Variants in SPMIP7 observed in about 807,000 individuals in gnomAD.
SPMIP7 encodes sperm microtubule inner protein 7.
At chr7:50,156,072 G>C in the SPMIP7 span, among the ~76,000 whole-genome samples, 1 of 152,110 alleles carries the variant, frequency 6.6e-6, no homozygotes, top group African/African-American at 2.4e-5. Flanking sequence ...TGGTGTTCTG[G>C]CATGAAAAAG....
the SPMIP7 span, among the ~76,000 whole-genome samples, chr7:50,119,356 A>G: frequency 6.6e-6 from 1 of 152,176 alleles, no homozygotes; most frequent in Admixed American, 6.6e-5. Context: ...AACGCCATAG[A>G]TCAAGACTTT....
At chr7:50,137,917 A>G in the SPMIP7 span, among the ~76,000 whole-genome samples, 2 of 152,134 alleles carry the variant, frequency 1.3e-5, no homozygotes, top group African/African-American at 4.8e-5. Context: ...TGGTAATATG[A>G]ATCAAAGTAT....
the SPMIP7 span, chr7:50,104,440 T>G: frequency 9.5e-7 from 1 of 1,058,172 alleles, no homozygotes; most frequent in Non-Finnish European, 1.3e-6. Context: ...TGGTGTTATA[T>G]ATAATTAGTT....
chr7:50,143,221 G>C, the SPMIP7 span, among the ~76,000 whole-genome samples: 2 of 147,152 alleles, frequency 1.4e-5, no homozygotes, highest in African/African-American at 2.5e-5. Context: ...CTGAAGTGCA[G>C]TGGCGTGATC....
At chr7:50,156,434 C>A in the SPMIP7 span, among the ~76,000 whole-genome samples, 1 of 152,028 alleles carries the variant, frequency 6.6e-6, no homozygotes, top group African/African-American at 2.4e-5. Flanking sequence ...TTAGCCGCTA[C>A]TGTACTCTCA....
At chr7:50,151,822 G>A in the SPMIP7 span, among the ~76,000 whole-genome samples, 1 of 152,150 alleles carries the variant, frequency 6.6e-6, no homozygotes. Flanking sequence ...TATTACGAAT[G>A]TGGCCAAAAG....
the SPMIP7 span, among the ~76,000 whole-genome samples, chr7:50,124,949 A>C: frequency 6.6e-6 from 1 of 151,588 alleles, no homozygotes; most frequent in South Asian, 2.1e-4. Flanking sequence ...AAACACAAAA[A>C]TTAGCCCTGC....
the SPMIP7 span, among the ~76,000 whole-genome samples, chr7:50,145,618 G>GTATATATATATATATA: frequency 2.9e-4 from 8 of 27,686 alleles, no homozygotes; most frequent in African/African-American, 7.5e-4. Context: ...ATATGTGTGT[G>GTATATATATATATATA]TATATATATA....
chr7:50,148,380 G>A, the SPMIP7 span, among the ~76,000 whole-genome samples: 189 of 152,318 alleles, frequency 1.2e-3, no homozygotes, highest in African/African-American at 4.4e-3. Context: ...AGGCACAGAG[G>A]CTGTGCAATG....
chr7:50,126,168 G>A, the SPMIP7 span, among the ~76,000 whole-genome samples: 1 of 151,892 alleles, frequency 6.6e-6, no homozygotes, highest in African/African-American at 2.4e-5. Context: ...ATTAATGAAA[G>A]TGATAGACCT....
chr7:50,121,268 A>G, the SPMIP7 span: 1 of 152,224 alleles, frequency 6.6e-6, no homozygotes, highest in Non-Finnish European at 1.5e-5. Context: ...AAAGAGAATA[A>G]TTGTTAAATT....
chr7:50,140,521 T>C, the SPMIP7 span, among the ~76,000 whole-genome samples: 19 of 152,244 alleles, frequency 1.2e-4, no homozygotes, highest in Non-Finnish European at 2.2e-4. Context: ...AAAACTGTTA[T>C]AATTGCAGAA....
the SPMIP7 span, among the ~76,000 whole-genome samples, chr7:50,137,360 T>C: frequency 2.6e-5 from 4 of 152,172 alleles, no homozygotes; most frequent in African/African-American, 9.6e-5. Flanking sequence ...GACATCTGTG[T>C]TTCTAGGAGT....
At chr7:50,104,213 A>C in the SPMIP7 span, 2 of 445,218 alleles carry the variant, frequency 4.5e-6, no homozygotes, top group African/African-American at 4.1e-5. Context: ...AAAATGAATT[A>C]CGATCACACA....
chr7:50,101,436 A>G, the SPMIP7 span, among the ~76,000 whole-genome samples: 1 of 152,202 alleles, frequency 6.6e-6, no homozygotes, highest in Admixed American at 6.5e-5. Flanking sequence ...AACTGACACC[A>G]TGTGAAAGAA....
At chr7:50,113,472 A>C in the SPMIP7 span, among the ~76,000 whole-genome samples, 1 of 152,194 alleles carries the variant, frequency 6.6e-6, no homozygotes, top group East Asian at 1.9e-4. Flanking sequence ...AGACAGCCAC[A>C]ACCATGATGA....
At chr7:50,101,776 C>T in the SPMIP7 span, among the ~76,000 whole-genome samples, 2 of 152,312 alleles carry the variant, frequency 1.3e-5, no homozygotes, top group Middle Eastern at 3.4e-3. Context: ...TAGAGAGTTT[C>T]CTTGGTCCAG....
At chr7:50,135,287 T>C in the SPMIP7 span, among the ~76,000 whole-genome samples, 2 of 152,330 alleles carry the variant, frequency 1.3e-5, no homozygotes, top group African/African-American at 2.4e-5. Flanking sequence ...TTCTCACGCG[T>C]AGGAGTCTGG....
chr7:50,125,585 GGT>G, the SPMIP7 span, among the ~76,000 whole-genome samples: 98,218 of 140,700 alleles, frequency 0.7, 34,554 homozygotes, highest in East Asian at 0.78. Flanking sequence ...AAGAAAATAT[GGT>G]GTGTGTGTGT....
Sources: allele counts gnomAD v4.1 joint callset (sites outside exome capture counted in the v4.1 genomes callset), GRCh38; gene constraint gnomAD v4.1.1; transcripts MANE v1.5; gene names NCBI Gene and HGNC (gene_info 2026-07-23, HGNC 2026-07-21).